The following CSMD3 variants were observed in gnomAD, a reference collection of about 807,000 sequenced individuals.
The protein encoded by CSMD3 is CUB and Sushi multiple domains 3, also known as CUB and sushi domain-containing protein 3.
In CSMD3, 177 loss-of-function variants were observed where a neutral mutation model predicts 435.2. That is an observed-to-expected ratio of 0.41 (90% CI 0.36 to 0.46). The LOEUF (loss-of-function observed/expected upper bound fraction) is 0.46. CSMD3 is among the 20% of genes least tolerant of loss of function. The probability of loss-of-function intolerance (pLI) is 0.34; values close to 1 mark genes in which losing one functional copy is unlikely to be tolerated. For synonymous variants in CSMD3, 1,656 were observed against 1,520.5 expected, an observed-to-expected ratio of 1.09 and a Z score of -2.07; for missense variants, 4,265 against 4,504.6, an observed-to-expected ratio of 0.95 and a Z score of 1.52.
intron 32 of CSMD3, among the ~76,000 whole-genome samples, chr8:112,459,423 G>T (rs1020554354): frequency 6.6e-6 from 1 of 151,732 alleles, no homozygotes; most frequent in Non-Finnish European, 1.5e-5. Context: ...TCAGTATGAC[G>T]TGGGTACAGA....
At chr8:112,603,081 T>C (rs916599268) in intron 22 of CSMD3, among the ~76,000 whole-genome samples, 4 of 152,220 alleles carry the variant, frequency 2.6e-5, no homozygotes, top group East Asian at 1.9e-4. Flanking sequence ...TTTTACCATG[T>C]TGGCCAGGCT....
intron 4 of CSMD3, among the ~76,000 whole-genome samples, chr8:113,149,793 T>C (rs1385206642): frequency 1.3e-5 from 2 of 151,922 alleles, no homozygotes; most frequent in African/African-American, 4.8e-5. Context: ...ATCTCCAAGG[T>C]GTAACAGCTG....
At chr8:112,356,265 A>G (rs1394665645) in intron 38 of CSMD3, among the ~76,000 whole-genome samples, 1 of 152,226 alleles carries the variant, frequency 6.6e-6, no homozygotes, top group Admixed American at 6.5e-5. Flanking sequence ...TAGCAAAGAC[A>G]TGAAATCAAC....
intron 68 of CSMD3, among the ~76,000 whole-genome samples, chr8:112,233,780 C>G (rs1368289144): frequency 1.3e-5 from 2 of 152,094 alleles, no homozygotes; most frequent in Non-Finnish European, 2.9e-5. Flanking sequence ...TCTTAACACT[C>G]CACTCACATA....
chr8:112,228,129 A>G (rs538266777), intron 70 of CSMD3, among the ~76,000 whole-genome samples: 17 of 152,258 alleles, frequency 1.1e-4, no homozygotes, highest in Non-Finnish European at 2.4e-4. Flanking sequence ...TTTTTTCTTG[A>G]TAAGGGATTG....
At chr8:113,335,241 T>C (rs974983328) in intron 1 of CSMD3, among the ~76,000 whole-genome samples, 2 of 152,112 alleles carry the variant, frequency 1.3e-5, no homozygotes, top group African/African-American at 4.8e-5. Context: ...CTTTCTTTCT[T>C]GTACAGTCTA....
intron 11 of CSMD3, among the ~76,000 whole-genome samples, chr8:112,849,922 C>A (rs1050919940): frequency 1.3e-5 from 2 of 151,996 alleles, no homozygotes; most frequent in Admixed American, 1.3e-4. Context: ...AGAGTCAATG[C>A]CTAGTTTTGA....
intron 29 of CSMD3, among the ~76,000 whole-genome samples, chr8:112,506,448 C>T (rs1822528710): frequency 6.6e-6 from 1 of 151,988 alleles, no homozygotes; most frequent in Non-Finnish European, 1.5e-5. Flanking sequence ...GGGAAAGAGG[C>T]TGGGTTTTGT....
intron 23 of CSMD3, among the ~76,000 whole-genome samples, chr8:112,581,408 T>G (rs970495831): frequency 6.6e-6 from 1 of 152,052 alleles, no homozygotes; most frequent in Non-Finnish European, 1.5e-5. Flanking sequence ...TCTAATAATA[T>G]ATCACCAAAT....
intron 28 of CSMD3, among the ~76,000 whole-genome samples, chr8:112,512,980 T>C (rs1194350975): frequency 6.6e-6 from 1 of 152,178 alleles, no homozygotes; most frequent in East Asian, 1.9e-4. Flanking sequence ...AGTTTTCTTC[T>C]GCAGCTTTTT....
At chr8:112,878,826 C>T (rs190650463) in intron 10 of CSMD3, among the ~76,000 whole-genome samples, 58 of 152,200 alleles carry the variant, frequency 3.8e-4, no homozygotes, top group African/African-American at 1.4e-3. Flanking sequence ...GGCAGAAGAA[C>T]AGAAATTGTG....
chr8:112,904,667 C>G (rs1195256656), intron 10 of CSMD3, among the ~76,000 whole-genome samples: 1 of 151,306 alleles, frequency 6.6e-6, no homozygotes, highest in African/African-American at 2.4e-5. Flanking sequence ...AATGATGCCA[C>G]CTCGGTTCTG....
At chr8:112,562,685 T>C (rs1438490848) in intron 24 of CSMD3, among the ~76,000 whole-genome samples, 1 of 151,664 alleles carries the variant, frequency 6.6e-6, no homozygotes, top group Non-Finnish European at 1.5e-5. Flanking sequence ...TAATTCATAA[T>C]ATTAGGCAGA....
intron 5 of CSMD3, among the ~76,000 whole-genome samples, chr8:113,045,507 G>A (rs557783493): frequency 1.3e-5 from 2 of 148,950 alleles, no homozygotes; most frequent in Non-Finnish European, 3.0e-5. Context: ...TCTAGTCTAT[G>A]GTTTCTAAAT....
chr8:112,952,872 T>A (rs1383662828), intron 8 of CSMD3, among the ~76,000 whole-genome samples: 1 of 151,404 alleles, frequency 6.6e-6, no homozygotes, highest in African/African-American at 2.4e-5. Context: ...TTTATTAGAA[T>A]TTTTTTTCCT....
intron 3 of CSMD3, among the ~76,000 whole-genome samples, chr8:113,192,660 T>C (rs1430068153): frequency 1.3e-5 from 2 of 151,640 alleles, no homozygotes. Context: ...GAGTATTTCA[T>C]ATACATATAT....
At chr8:112,632,329 T>C (rs901210452) in intron 22 of CSMD3, among the ~76,000 whole-genome samples, 7 of 152,060 alleles carry the variant, frequency 4.6e-5, no homozygotes, top group South Asian at 4.1e-4. Context: ...TATAGAGTTA[T>C]CATTTTTATC....
Position 113,436,781 on chromosome 8 carries a change from G to A in CSMD3, c.74C>T (p.Ala25Val), listed in dbSNP as rs1437470038. 1.2e-6 allele frequency: 2 copies of A among 1,614,004 alleles called. No individual in the cohort carries two copies. The highest frequency in any genetic ancestry group is 1.7e-6 in the Non-Finnish European group (2 of 1,180,032). The change falls in exon 1 of 71, where the codon GCT becomes GTT. Residue 25 changes from alanine (A) to valine (V), a missense_variant. Ala to Val is a moderately conservative substitution (Grantham distance 64, BLOSUM62 0). Transcript: ENST00000297405. ...KPWEPGKRRC[A>V]KCGRLDFILM... Reference sequence around the variant, plus strand: ...GATGAAGTCTAGGCGGCCACATTTAGCGCATCTTCGCTTGCCAGGCTCCCA... The same window carrying A: ...GATGAAGTCTAGGCGGCCACATTTAACGCATCTTCGCTTGCCAGGCTCCCA...
At chr8:112,342,221 A>C (rs145711123) in intron 41 of CSMD3, among the ~76,000 whole-genome samples, 172 of 152,222 alleles carry the variant, frequency 1.1e-3, no homozygotes, top group African/African-American at 3.2e-3. Context: ...TTATCAGAAG[A>C]TAATGCAGGC....
Sources: allele counts gnomAD v4.1 joint callset (sites outside exome capture counted in the v4.1 genomes callset), GRCh38; gene constraint gnomAD v4.1.1; transcripts MANE v1.5; gene names NCBI Gene and HGNC (gene_info 2026-07-23, HGNC 2026-07-21).